The following NSMAF variants were observed in gnomAD, a reference collection of about 807,000 sequenced individuals.
The protein encoded by NSMAF is protein FAN.
NSMAF carries 90 observed loss-of-function variants against 134.9 expected under a neutral mutation model. That is an observed-to-expected ratio of 0.67 (90% CI 0.56 to 0.79). The LOEUF is 0.79. NSMAF is among the 30% of genes least tolerant of loss of function. The pLI is 0.00. For synonymous variants in NSMAF, 358 were observed against 389.6 expected (o/e 0.92, Z 0.96); for missense variants, 1,010 against 1,119.0 (o/e 0.90, Z 1.39).
At chr8:58,652,734 T>C (rs1017163293) in intron 1 of NSMAF, among the ~76,000 whole-genome samples, 1 of 152,326 alleles carries the variant, frequency 6.6e-6, no homozygotes, top group South Asian at 2.1e-4. Flanking sequence ...GCATATTCCC[T>C]GGCCCTTTGC....
At chr8:58,594,127 T>C in intron 23 of NSMAF, 105 bp downstream of exon 23, 1 of 885,106 alleles carries the variant, frequency 1.1e-6, no homozygotes, top group Admixed American at 2.0e-5. Flanking sequence ...TTACTTTATG[T>C]GGAGGCAGCA....
At chr8:58,659,478 C>G (rs1807809816) in intron 1 of NSMAF, 95 bp downstream of exon 1, 1 of 1,494,340 alleles carries the variant, frequency 6.7e-7, no homozygotes, top group Non-Finnish European at 8.9e-7. Flanking sequence ...GCCCGGCCCC[C>G]ACGCCGCCTC....
rs998303065 is a variant in NSMAF at position 58,601,146 on chromosome 8, C to G, written c.1280+139G>C. The G allele has an allele frequency of 5.7e-6, 4 of 699,696 alleles. No individual in the cohort carries two copies. In the African/African-American group the frequency reaches 7.1e-5, roughly 12 times the overall value. 43.3% of individuals were successfully genotyped at this position (699,696 alleles called of 1,614,324 possible). ...ACACATATACATGTCTAGAAAAAGC[C>G]TGAGAGGAATAGATAGAACAATTAG... On this transcript the variant is annotated intron_variant, in intron 16 of 30. Coordinates refer to ENST00000038176, the MANE Select transcript of NSMAF (RefSeq NM_003580.4).
intron 23 of NSMAF, among the ~76,000 whole-genome samples, chr8:58,592,851 C>T (rs1161144232): frequency 6.6e-6 from 1 of 151,846 alleles, no homozygotes; most frequent in Non-Finnish European, 1.5e-5. Context: ...CGTGCCATTG[C>T]CCTCCAGCCT....
Position 58,602,385 on chromosome 8 carries a change from T to A in NSMAF, c.1046-248A>T, listed in dbSNP as rs979823846. On this transcript the variant is annotated intron_variant, in intron 13 of 30. Transcript: ENST00000038176. ...ACAATGCCCTGAACATTAATTTTTT[T>A]AAAAAAGTTTCTGATTAAGGAACAT... Among the ~76,000 whole-genome samples, 57 of 152,258 alleles carry A rather than the reference T, an allele frequency of 3.7e-4. 1 individual carries two copies. The highest frequency in any genetic ancestry group is 7.4e-4 in the Non-Finnish European group (50 of 68,012).
chr8:58,621,138 C>T (rs1012350380), intron 9 of NSMAF, among the ~76,000 whole-genome samples: 5 of 152,108 alleles, frequency 3.3e-5, no homozygotes, highest in Non-Finnish European at 5.9e-5. Context: ...TCTATTGTTC[C>T]CTTCTTTGCG....
intron 22 of NSMAF, among the ~76,000 whole-genome samples, chr8:58,595,101 T>C (rs1032626838): frequency 6.6e-6 from 1 of 151,864 alleles, no homozygotes; most frequent in Non-Finnish European, 1.5e-5. Flanking sequence ...CCCAATTTCT[T>C]AGAAGCATAA....
chr8:58,618,788 TTA>T (rs1028861496), intron 9 of NSMAF, among the ~76,000 whole-genome samples: 1 of 152,182 alleles, frequency 6.6e-6, no homozygotes. Context: ...ATAGTTTTCC[TTA>T]TATTCCTTTA....
chr8:58,606,748 C>T (rs2129141970), intron 11 of NSMAF, among the ~76,000 whole-genome samples: 1 of 152,266 alleles, frequency 6.6e-6, no homozygotes, highest in Non-Finnish European at 1.5e-5. Context: ...ACCCTTGGTT[C>T]AAATACAGGC....
chr8:58,650,280 T>G (rs1807554261), intron 1 of NSMAF, among the ~76,000 whole-genome samples: 1 of 152,226 alleles, frequency 6.6e-6, no homozygotes, highest in Non-Finnish European at 1.5e-5. Flanking sequence ...GTTTTTTTGT[T>G]TTTATTTTTT....
At chr8:58,642,830 T>C (rs1807366627) in intron 2 of NSMAF, among the ~76,000 whole-genome samples, 154 bp downstream of exon 2, 1 of 152,220 alleles carries the variant, frequency 6.6e-6, no homozygotes, top group Admixed American at 6.5e-5. Flanking sequence ...TCCTAGGTTA[T>C]AATCCTCAAT....
chr8:58,657,199 T>C (rs181106136), intron 1 of NSMAF, among the ~76,000 whole-genome samples: 1 of 152,360 alleles, frequency 6.6e-6, no homozygotes, highest in East Asian at 1.9e-4. Flanking sequence ...GTCTCTATGC[T>C]TCTGCTTTTG....
chr8:58,599,465 A>G, intron 18 of NSMAF, 102 bp from the exon 19 acceptor site: 1 of 1,289,210 alleles, frequency 7.8e-7, no homozygotes, highest in Non-Finnish European at 1.1e-6. Flanking sequence ...GACAGGCAAG[A>G]GGTCCATATT....
rs1353880240 is a variant in NSMAF at position 58,588,552 on chromosome 8, T to C, written c.2212-851A>G. On this transcript the variant is annotated intron_variant, in intron 26 of 30. Transcript: ENST00000038176. ...GAATTGCACAACTCACACAGTAATGTAGCTTCACATACAGCTTGGGAAGCA... is the reference window on the plus strand; with the variant it reads ...GAATTGCACAACTCACACAGTAATGCAGCTTCACATACAGCTTGGGAAGCA... 4.9e-6 allele frequency: 6 copies of C among 1,232,200 alleles called. No homozygotes were observed. In the Admixed American group the frequency reaches 5.1e-5, roughly 10 times the overall value. The allele number at this position is 1,232,200 out of a possible 1,614,324, so 76.3% of individuals were successfully genotyped here.
At chr8:58,651,390 C>G (rs1413111412) in intron 1 of NSMAF, among the ~76,000 whole-genome samples, 1 of 152,168 alleles carries the variant, frequency 6.6e-6, no homozygotes, top group African/African-American at 2.4e-5. Flanking sequence ...TTTAGCCCTT[C>G]CCCTCAGTAA....
rs1206819473 is a variant in NSMAF, at chr8:58,594,263, G to C, written c.1920C>G (p.Arg640=). 3.7e-6 allele frequency: 6 copies of C among 1,614,078 alleles called. No individual in the cohort carries two copies. The South Asian group carries it at 6.6e-5, about 18-fold the overall frequency. Reference sequence around the variant, plus strand: ...ATGTTGTGAATACTGAAGATCCATTGCGAGAGACCGTGATTCCAGTAACTG... The same window carrying C: ...ATGTTGTGAATACTGAAGATCCATTCCGAGAGACCGTGATTCCAGTAACTG... ...KEAVTGITVS[R]NGSSVFTTSQ... The change falls in exon 23 of 31, where the codon CGC becomes CGG. Residue 640 remains arginine (R), a synonymous_variant. Transcript: ENST00000038176.
chr8:58,587,207 C>G (rs753128820), intron 27 of NSMAF, among the ~76,000 whole-genome samples: 1 of 152,194 alleles, frequency 6.6e-6, no homozygotes, highest in Non-Finnish European at 1.5e-5. Flanking sequence ...TCCCAGACAG[C>G]TGGTCACTGT....
chr8:58,653,052 T>C (rs1807622032), intron 1 of NSMAF, among the ~76,000 whole-genome samples: 1 of 152,120 alleles, frequency 6.6e-6, no homozygotes, highest in Non-Finnish European at 1.5e-5. Context: ...AGATAAAAAA[T>C]ACCGGACAAT....
intron 9 of NSMAF, among the ~76,000 whole-genome samples, chr8:58,620,341 C>A (rs1298946392): frequency 6.6e-6 from 1 of 152,068 alleles, no homozygotes; most frequent in East Asian, 1.9e-4. Context: ...AGGTAAGAGA[C>A]AATGTGGCAC....
Sources: allele counts gnomAD v4.1 joint callset (sites outside exome capture counted in the v4.1 genomes callset), GRCh38; gene constraint gnomAD v4.1.1; transcripts MANE v1.5; gene names NCBI Gene and HGNC (gene_info 2026-07-23, HGNC 2026-07-21).